WBP1L: variants seen among roughly 807,000 people sequenced by gnomAD.
WBP1L encodes WW domain binding protein 1-like.
WBP1L carries 17 observed loss-of-function variants against 33.7 expected under a neutral mutation model. That is an observed-to-expected ratio of 0.50 (90% CI 0.34 to 0.76). The LOEUF (loss-of-function observed/expected upper bound fraction) is 0.76. WBP1L is among the 30% of genes least tolerant of loss of function. WBP1L has a pLI of 0.01. For synonymous variants in WBP1L, 173 were observed against 190.8 expected (o/e 0.91, Z 0.77); for missense variants, 389 against 469.4 (o/e 0.83, Z 1.58).
In WBP1L at chr10:102,813,363, A is replaced by T. The variant is rs1336962113; in HGVS notation, c.*32A>T. On this transcript the variant is annotated 3_prime_UTR_variant, in exon 4 of 4. Coordinates refer to ENST00000448841, the MANE Select transcript of WBP1L (RefSeq NM_001083913.2). ...TCCTGCCAGCACCCAGCAACTTGGC[A>T]AAGCAACCAGGGTAGGGGAGAACCA... is the stretch of plus-strand genomic sequence containing the variant. The T allele has an allele frequency of 3.8e-6, 6 of 1,578,658 alleles. No individual in the cohort carries two copies. The highest frequency in any genetic ancestry group is 1.7e-4 in the Middle Eastern group (1 of 5,798).
chr10:102,782,984 G>A lies in WBP1L; in HGVS notation c.91-15009G>A, dbSNP rs186255621. Among the ~76,000 whole-genome samples, 165 of 152,262 alleles carry A rather than the reference G, an allele frequency of 1.1e-3. 1 individual carries two copies. Among genetic ancestry groups the A allele is most frequent in the Non-Finnish European group, 1.9e-3 (128 of 68,026 alleles). On this transcript the variant is annotated intron_variant, in intron 1 of 3. Transcript: ENST00000448841. Reference sequence around the variant, plus strand: ...TCTCCCAACTGTGATGCACGGTCTCGATGTGGTTTCAAATACTGTCCAATT... The same window carrying A: ...TCTCCCAACTGTGATGCACGGTCTCAATGTGGTTTCAAATACTGTCCAATT...
intron 1 of WBP1L, among the ~76,000 whole-genome samples, chr10:102,753,265 T>A (rs977286033): frequency 2.0e-5 from 3 of 152,142 alleles, no homozygotes; most frequent in African/African-American, 7.2e-5. Context: ...GCTTCTCTCC[T>A]TGGTGGCATA....
intron 2 of WBP1L, among the ~76,000 whole-genome samples, chr10:102,799,019 T>A (rs1843614365): frequency 6.6e-6 from 1 of 152,298 alleles, no homozygotes; most frequent in Admixed American, 6.5e-5. Flanking sequence ...CCTAACCTTT[T>A]ACTGTCAGCT....
At chr10:102,784,278 G>C (rs1843378683) in intron 1 of WBP1L, among the ~76,000 whole-genome samples, 1 of 152,024 alleles carries the variant, frequency 6.6e-6, no homozygotes, top group Admixed American at 6.5e-5. Context: ...TTTCAAGCCA[G>C]GTACCTATTG....
intron 1 of WBP1L, among the ~76,000 whole-genome samples, chr10:102,779,360 C>T (rs1001911344): frequency 3.3e-5 from 5 of 151,504 alleles, no homozygotes; most frequent in African/African-American, 7.3e-5. Flanking sequence ...TGCAATGGTG[C>T]GATCTCAGCT....
At chr10:102,751,013 T>C (rs1250326177) in intron 1 of WBP1L, among the ~76,000 whole-genome samples, 3 of 152,150 alleles carry the variant, frequency 2.0e-5, no homozygotes, top group African/African-American at 7.2e-5. Context: ...TTTCCTTTCT[T>C]TTTTTGAGAC....
At chr10:102,792,253 G>A (rs185928777) in intron 1 of WBP1L, among the ~76,000 whole-genome samples, 3 of 152,236 alleles carry the variant, frequency 2.0e-5, no homozygotes, top group Non-Finnish European at 4.4e-5. Context: ...GGGGCTCCTA[G>A]TAGCCACTAC....
chr10:102,794,158 T>A (rs1843540629), intron 1 of WBP1L, among the ~76,000 whole-genome samples: 2 of 152,046 alleles, frequency 1.3e-5, no homozygotes, highest in Non-Finnish European at 2.9e-5. Context: ...ATTAGGCTCC[T>A]CATATAAGGA....
intron 1 of WBP1L, among the ~76,000 whole-genome samples, chr10:102,788,253 C>G (rs1365601643): frequency 6.6e-6 from 1 of 150,992 alleles, no homozygotes; most frequent in East Asian, 2.0e-4. Context: ...CTCAGCCTCC[C>G]GAGTAGCTAC....
intron 1 of WBP1L, among the ~76,000 whole-genome samples, chr10:102,754,026 C>G (rs998700812): frequency 6.6e-6 from 1 of 152,154 alleles, no homozygotes; most frequent in Admixed American, 6.6e-5. Context: ...ATTTAAAATT[C>G]CACCTGACAG....
At chr10:102,805,525 G>A (rs1026659227) in intron 2 of WBP1L, among the ~76,000 whole-genome samples, 1 of 151,794 alleles carries the variant, frequency 6.6e-6, no homozygotes, top group African/African-American at 2.4e-5. Context: ...AGCCTCCCAA[G>A]TAGCTAGGAT....
intron 3 of WBP1L, among the ~76,000 whole-genome samples, chr10:102,810,391 T>G: frequency 2.3e-5 from 1 of 44,252 alleles, no homozygotes; most frequent in African/African-American, 5.8e-5. Context: ...CCCTCCCTCT[T>G]TCTCTCTTTC....
intron 1 of WBP1L, among the ~76,000 whole-genome samples, chr10:102,752,770 C>T (rs1046918569): frequency 6.6e-6 from 1 of 152,176 alleles, no homozygotes; most frequent in Admixed American, 6.5e-5. Flanking sequence ...CTCTCACGCA[C>T]GCTTAGCCTG....
In WBP1L at chr10:102,815,150, G is replaced by C. The variant is rs574293579; in HGVS notation, c.*1819G>C. 6.6e-6 allele frequency: 1 copy of C among 152,538 alleles called. No individual in the cohort carries two copies. The highest frequency in any genetic ancestry group is 1.5e-5 in the Non-Finnish European group (1 of 68,022). The allele number at this position is 152,538 out of a possible 1,614,324, so 9.4% of individuals were successfully genotyped here. A position where few individuals can be genotyped will look rare whatever the true frequency, so the allele number is the denominator to read the frequency against. ...GGCCTCTCAAGGTCATTGATCTTAC[G>C]CATTTACTGTTTACCGAACAAATGT... is the stretch of plus-strand genomic sequence containing the variant. On this transcript the variant is annotated 3_prime_UTR_variant, in exon 4 of 4. Transcript: ENST00000448841.
At chr10:102,799,020 A>G (rs1843614403) in intron 2 of WBP1L, among the ~76,000 whole-genome samples, 1 of 152,130 alleles carries the variant, frequency 6.6e-6, no homozygotes, top group Non-Finnish European at 1.5e-5. Context: ...CTAACCTTTT[A>G]CTGTCAGCTA....
At chr10:102,771,798 ACT>A (rs1465762823) in intron 1 of WBP1L, among the ~76,000 whole-genome samples, 1 of 134,426 alleles carries the variant, frequency 7.4e-6, no homozygotes, top group Admixed American at 7.6e-5. Flanking sequence ...ACAGAGTGAG[ACT>A]CTGTCTCAAG....
chr10:102,799,374 C>CTT (rs1843619348), intron 2 of WBP1L, among the ~76,000 whole-genome samples: 1 of 151,924 alleles, frequency 6.6e-6, no homozygotes, highest in African/African-American at 2.4e-5. Context: ...TGTCTTGCCA[C>CTT]TGGTTTGACT....
intron 1 of WBP1L, among the ~76,000 whole-genome samples, chr10:102,746,771 T>C (rs1842868107): frequency 6.6e-6 from 1 of 152,210 alleles, no homozygotes; most frequent in African/African-American, 2.4e-5. Context: ...TCATTCTGTA[T>C]CGAATAATGG....
At chr10:102,809,027 C>G (rs1159301582) in intron 2 of WBP1L, among the ~76,000 whole-genome samples, 1 of 152,218 alleles carries the variant, frequency 6.6e-6, no homozygotes, top group East Asian at 1.9e-4. Context: ...TGCCTTCCCC[C>G]AAGGTGCTGG....
Sources: allele counts gnomAD v4.1 joint callset (sites outside exome capture counted in the v4.1 genomes callset), GRCh38; gene constraint gnomAD v4.1.1; transcripts MANE v1.5; gene names NCBI Gene and HGNC (gene_info 2026-07-23, HGNC 2026-07-21).